Variants in FBXO17 observed in about 807,000 individuals in gnomAD.
The protein encoded by FBXO17 is F-box protein 17.
In FBXO17, 43 loss-of-function variants were observed where a neutral mutation model predicts 34.1. That is an observed-to-expected ratio of 1.26 (90% CI 0.99 to 1.62). The LOEUF (loss-of-function observed/expected upper bound fraction) is 1.62. Ranked by LOEUF, FBXO17 falls within the 40% of genes most tolerant of loss-of-function variation. The pLI, the probability that FBXO17 is intolerant of heterozygous loss-of-function variation, is 0.00. For synonymous variants in FBXO17, 169 were observed against 166.0 expected, an observed-to-expected ratio of 1.02 and a Z score of -0.14; for missense variants, 424 against 386.7, an observed-to-expected ratio of 1.10 and a Z score of -0.81.
intron 1 of FBXO17, among the ~76,000 whole-genome samples, chr19:38,953,306 C>G (rs1975114092): frequency 6.6e-6 from 1 of 151,758 alleles, no homozygotes; most frequent in Admixed American, 6.6e-5. Flanking sequence ...GACCCTGTCT[C>G]TAAATAAAAT....
intron 1 of FBXO17, among the ~76,000 whole-genome samples, chr19:38,960,808 A>G (rs1312317903): frequency 1.4e-5 from 1 of 72,438 alleles, no homozygotes; most frequent in Non-Finnish European, 2.4e-5. Flanking sequence ...GCACCCGGCC[A>G]CTTTTTTTTT....
intron 1 of FBXO17, among the ~76,000 whole-genome samples, chr19:38,959,283 C>CTTCCT (rs1555751458): frequency 7.8e-6 from 1 of 128,122 alleles, no homozygotes; most frequent in East Asian, 2.1e-4. Flanking sequence ...TTCTTTCTTT[C>CTTCCT]TTTTTTTTTT....
Position 38,944,659 on chromosome 19 carries a change from C to T in FBXO17, c.693+310G>A, listed in dbSNP as rs2144807799. The T allele has an allele frequency of 1.2e-5, 4 of 341,506 alleles. No individual in the cohort carries two copies. The East Asian group carries it at 2.8e-4, about 24-fold the overall frequency. 21.2% of individuals were successfully genotyped at this position (341,506 alleles called of 1,614,324 possible). On this transcript the variant is annotated intron_variant, in intron 5 of 5. Transcript: ENST00000292852. Reference sequence around the variant, plus strand: ...AGTCACATAACCTCCCTGTCTGTGCCTCTGTTTCCTCAACTCTAGAATGGA... The same window carrying T: ...AGTCACATAACCTCCCTGTCTGTGCTTCTGTTTCCTCAACTCTAGAATGGA...
chr19:38,966,228 C>T (rs1975318529), intron 1 of FBXO17, among the ~76,000 whole-genome samples: 1 of 151,740 alleles, frequency 6.6e-6, no homozygotes, highest in African/African-American at 2.4e-5. Context: ...CCTCGGCTTC[C>T]CAAAGTGCTG....
chr19:38,971,573 C>T (rs1975391599), intron 1 of FBXO17, among the ~76,000 whole-genome samples: 1 of 152,032 alleles, frequency 6.6e-6, no homozygotes, highest in African/African-American at 2.4e-5. Context: ...GGCTTGAGCC[C>T]AAGAGTTTAA....
intron 1 of FBXO17, among the ~76,000 whole-genome samples, chr19:38,959,962 C>T (rs564659707): frequency 1.2e-4 from 19 of 152,112 alleles, no homozygotes; most frequent in Admixed American, 1.0e-3. Flanking sequence ...AAACCCTCAA[C>T]GTTTGCTAAA....
At chr19:38,957,450 G>A (rs1975182175) in intron 1 of FBXO17, among the ~76,000 whole-genome samples, 1 of 151,992 alleles carries the variant, frequency 6.6e-6, no homozygotes, top group Non-Finnish European at 1.5e-5. Flanking sequence ...GGGTTCAAGC[G>A]ATTCTCTGCC....
chr19:38,944,765 T>G lies in FBXO17; in HGVS notation c.693+204A>C, dbSNP rs892426460. The G allele has an allele frequency of 1.4e-5, 10 of 693,890 alleles. No homozygotes were observed. In the Admixed American group the frequency reaches 1.6e-4, roughly 11 times the overall value. The allele number at this position is 693,890 out of a possible 1,614,324, so 43.0% of individuals were successfully genotyped here. ...CAGTAGGTGCTCAATCAGTGTTTGTTGAACATTAAGGGGTTTTGCTAATGA... is the reference window on the plus strand; with the variant it reads ...CAGTAGGTGCTCAATCAGTGTTTGTGGAACATTAAGGGGTTTTGCTAATGA... On this transcript the variant is annotated intron_variant, in intron 5 of 5. Transcript: ENST00000292852.
At chr19:38,944,822 G>C in intron 5 of FBXO17, 147 bp downstream of exon 5, 1 of 1,152,568 alleles carries the variant, frequency 8.7e-7, no homozygotes, top group Non-Finnish European at 1.2e-6. Context: ...CTTGACACAG[G>C]GCTTGGGATG....
Position 38,953,530 on chromosome 19 carries a change from GC to G in FBXO17, c.-17-3195del, listed in dbSNP as rs1481398880. Among the ~76,000 whole-genome samples the G allele has an allele frequency of 7.9e-5, 12 of 152,062 alleles. No homozygotes were observed. In the South Asian group the frequency reaches 1.0e-3, roughly 13 times the overall value. ...ATACAAAAATTAGCTGGGTGTGGTG[GC>G]GCACCTGTAATCCCAGCTACTCGGG... On this transcript the variant is annotated intron_variant, in intron 1 of 5. Coordinates refer to ENST00000292852, the MANE Select transcript of FBXO17 (RefSeq NM_024907.7).
intron 4 of FBXO17, 160 bp downstream of exon 4, chr19:38,946,312 C>G: frequency 7.9e-7 from 1 of 1,261,520 alleles, no homozygotes; most frequent in Non-Finnish European, 1.1e-6. Flanking sequence ...AAAGCTCTAC[C>G]TTCCCCGGCT....
In FBXO17 at chr19:38,950,098, G is replaced by C. The variant is rs201280819; in HGVS notation, c.222C>G (p.Leu74=). The C allele has an allele frequency of 8.4e-5, 132 of 1,565,014 alleles. No individual in the cohort carries two copies. In the African/African-American group the frequency reaches 1.7e-3, roughly 20 times the overall value. ...ARDRSAEGRA[L]YAVAQRCLPS... is the part of the protein sequence containing the mutation. Reference sequence around the variant, plus strand: ...GCAGGCAGCGTTGAGCCACTGCGTAGAGTGCGCGGCCCTCGGCGCTGCGGT... The same window carrying C: ...GCAGGCAGCGTTGAGCCACTGCGTACAGTGCGCGGCCCTCGGCGCTGCGGT... The change falls in exon 2 of 6, where the codon CTC becomes CTG. Residue 74 remains leucine (L), a synonymous_variant. Transcript: ENST00000292852.
In FBXO17 at chr19:38,941,477, T is replaced by G. The variant is rs1392447881; in HGVS notation, c.*1131A>C. The stretch of plus-strand genomic sequence containing the variant: ...CTTGAACAGAGATTTACCCACATAT[T>G]TATTGACAGCAAGCCAGTGATAAGC... On this transcript the variant is annotated 3_prime_UTR_variant, in exon 6 of 6. Transcript: ENST00000292852. The G allele has an allele frequency of 6.6e-6, 1 of 152,258 alleles. No individual in the cohort carries two copies. Among genetic ancestry groups the G allele is most frequent in the Non-Finnish European group, 1.5e-5 (1 of 68,050 alleles). The allele number at this position is 152,258 out of a possible 1,614,324, so 9.4% of individuals were successfully genotyped here.
In FBXO17 at chr19:38,948,594, G is replaced by A. The variant is rs531504797; in HGVS notation, c.434C>T (p.Ser145Leu). Residue 145 changes from serine (S) to leucine (L), a missense_variant, in exon 3 of 6, where the codon TCG becomes TTG. Ser to Leu is a moderately radical substitution (Grantham distance 145). Coordinates refer to ENST00000292852, the MANE Select transcript of FBXO17 (RefSeq NM_024907.7). Reference protein sequence around the residue: ...KNLTPVPGAPSQTCFVTSFEW... With the variant: ...KNLTPVPGAPLQTCFVTSFEW... ...GAAAGAGGTCACGAAGCAGGTCTGC[G>A]AAGGAGCCCCAGGCACCGGTGTTAG... 25 of 1,614,008 alleles carry A rather than the reference G, an allele frequency of 1.5e-5. No individual in the cohort carries two copies. The highest frequency in any genetic ancestry group is 4.4e-5 in the South Asian group (4 of 91,078).
intron 1 of FBXO17, among the ~76,000 whole-genome samples, chr19:38,953,294 G>A (rs887027011): frequency 1.3e-5 from 2 of 152,004 alleles, no homozygotes; most frequent in African/African-American, 4.8e-5. Context: ...GCAACAAAGC[G>A]AGACCCTGTC....
chr19:38,952,608 A>C, intron 1 of FBXO17: 1 of 531,934 alleles, frequency 1.9e-6, no homozygotes, highest in African/African-American at 2.0e-5. Flanking sequence ...CCAGATCATG[A>C]CTCCTCTCTT....
At chr19:38,973,113 G>A (rs573950289) in intron 1 of FBXO17, among the ~76,000 whole-genome samples, 139 of 152,252 alleles carry the variant, frequency 9.1e-4, no homozygotes, top group Non-Finnish European at 1.8e-3. Flanking sequence ...GGTGGCTCAC[G>A]CTTGTAATTC....
intron 1 of FBXO17, among the ~76,000 whole-genome samples, chr19:38,955,594 G>A (rs1408353003): frequency 6.7e-6 from 1 of 148,602 alleles, no homozygotes; most frequent in African/African-American, 2.5e-5. Flanking sequence ...AGTGATTCTC[G>A]TGCCTCAGCC....
chr19:38,962,100 C>G (rs1412740264), intron 1 of FBXO17, among the ~76,000 whole-genome samples: 6 of 104,074 alleles, frequency 5.8e-5, no homozygotes, highest in African/African-American at 1.2e-4. Flanking sequence ...CACCCAGGGA[C>G]GCTGTTAAAA....
Sources: gnomAD v4.1 joint callset for allele counts (sites outside exome capture counted in the v4.1 genomes callset) on GRCh38, gnomAD v4.1.1 for gene constraint, MANE v1.5 for transcripts, NCBI Gene and HGNC (gene_info 2026-07-23, HGNC 2026-07-21) for gene names.